The following EML6 variants were observed in gnomAD, a reference collection of about 807,000 sequenced individuals.
EML6 encodes the protein EMAP like 6.
A neutral mutation model predicts 240.1 loss-of-function variants in EML6; 154 were observed. The ratio of observed to expected loss-of-function variants is 0.64; its 90% CI spans 0.56 to 0.73. The LOEUF is 0.73. Among genes scored for constraint, EML6 ranks in the 30% least tolerant of loss-of-function variants. The pLI, the probability that EML6 is intolerant of heterozygous loss-of-function variation, is 0.00. For missense variants in EML6, 2,964 were observed against 2,474.6 expected, an observed-to-expected ratio of 1.20 and a Z score of -4.20; for synonymous variants, 1,148 against 899.0, an observed-to-expected ratio of 1.28 and a Z score of -4.95.
intron 28 of EML6, among the ~76,000 whole-genome samples, chr2:54,938,805 C>G (rs1334192123): frequency 3.9e-5 from 6 of 152,172 alleles, no homozygotes; most frequent in Non-Finnish European, 7.4e-5. Context: ...TCTGTTTTGC[C>G]AAGTCTGAGA....
intron 26 of EML6, among the ~76,000 whole-genome samples, chr2:54,922,130 C>T (rs1451659672): frequency 6.6e-6 from 1 of 152,082 alleles, no homozygotes; most frequent in Non-Finnish European, 1.5e-5. Context: ...AAAAGGCAGC[C>T]TATCAAATGG....
At chr2:54,964,443 C>CG (rs1220106483) in intron 37 of EML6, 128 bp from the exon 38 acceptor site, 1 of 846,662 alleles carries the variant, frequency 1.2e-6, no homozygotes, top group African/African-American at 1.7e-5. Context: ...AGAGGCTGAC[C>CG]ACATGTGAGT....
chr2:54,745,084 G>A (rs959259283), intron 2 of EML6, among the ~76,000 whole-genome samples: 4 of 152,120 alleles, frequency 2.6e-5, no homozygotes, highest in African/African-American at 7.2e-5. Context: ...AAGGGATGCT[G>A]GAGGCGAGTC....
In EML6 at chr2:54,724,131, G is replaced by C. The variant is rs1426481575; in HGVS notation, c.-514+354G>C. ...TAGCGCACTCCCTCCGACTGCACTA[G>C]TGCCTCGTTTCTTCCGAGTAAGACA... On this transcript the variant is annotated intron_variant, in intron 1 of 41. Transcript: ENST00000356458. The surrounding 1 kb of genome is among the most constrained non-coding windows in gnomAD (Gnocchi z 5.2). 6.6e-6 allele frequency among the ~76,000 whole-genome samples: 1 copy of C among 152,172 alleles called. No homozygotes were observed. The highest frequency in any genetic ancestry group is 2.1e-4 in the South Asian group (1 of 4,830).
chr2:54,876,003 C>T (rs930268816), intron 16 of EML6, among the ~76,000 whole-genome samples: 1 of 152,154 alleles, frequency 6.6e-6, no homozygotes, highest in Admixed American at 6.5e-5. Flanking sequence ...GAGAGACCAA[C>T]TCATAATTGT....
chr2:54,887,178 A>G (rs2104048566), intron 17 of EML6, among the ~76,000 whole-genome samples: 1 of 152,280 alleles, frequency 6.6e-6, no homozygotes, highest in Non-Finnish European at 1.5e-5. Flanking sequence ...TTCTGGGAGC[A>G]TTGACCTGAT....
In EML6 at chr2:54,759,905, T is replaced by C. The variant is rs1197200969; in HGVS notation, c.197+34647T>C. Among the ~76,000 whole-genome samples, 5 of 150,028 alleles carry C rather than the reference T, an allele frequency of 3.3e-5. 1 individual carries two copies. Among genetic ancestry groups the C allele is most frequent in the Admixed American group, 1.3e-4 (2 of 14,986 alleles). On this transcript the variant is annotated intron_variant, in intron 2 of 41. Transcript: ENST00000356458. The stretch of plus-strand genomic sequence containing the variant: ...ATATAAAATCTTTGTTTACATATAA[T>C]ATATATTTATATATATTTTAATGAT...
intron 10 of EML6, among the ~76,000 whole-genome samples, chr2:54,850,810 A>G (rs1176807517): frequency 6.6e-6 from 1 of 152,236 alleles, no homozygotes; most frequent in African/African-American, 2.4e-5. Flanking sequence ...GTTTATCAGC[A>G]TGAGGAGAGT....
intron 28 of EML6, among the ~76,000 whole-genome samples, chr2:54,945,665 C>A (rs1004288512): frequency 1.3e-5 from 2 of 152,208 alleles, no homozygotes; most frequent in African/African-American, 4.8e-5. Flanking sequence ...AATGCTCTTA[C>A]ACATTTCAGG....
chr2:54,870,726 C>G (rs1011233609), intron 15 of EML6, among the ~76,000 whole-genome samples: 2 of 151,970 alleles, frequency 1.3e-5, no homozygotes, highest in African/African-American at 4.8e-5. Flanking sequence ...GGAGTTACTG[C>G]ACTCAATACT....
chr2:54,899,822 A>G (rs1257020931), intron 22 of EML6, 40 bp downstream of exon 22: 1 of 1,520,146 alleles, frequency 6.6e-7, no homozygotes, highest in East Asian at 2.5e-5. Context: ...GAGTATTTAC[A>G]AGTAACAGAA....
rs1338924700 is a variant in EML6, at chr2:54,725,335, C to G, written c.197+77C>G. ...AGGTGGGAAGCGGTTGACCTGGGGT[C>G]GGATCCGGGAGCCCCGTGGAATAGA... On this transcript the variant is annotated intron_variant, in intron 2 of 41. Transcript: ENST00000356458. The surrounding 1 kb of genome is among the most constrained non-coding windows in gnomAD (Gnocchi z 4.3). 8.8e-7 allele frequency: 1 copy of G among 1,138,582 alleles called. No individual in the cohort carries two copies. The highest frequency in any genetic ancestry group is 1.2e-6 in the Non-Finnish European group (1 of 845,598). The allele number at this position is 1,138,582 out of a possible 1,614,324, so 70.5% of individuals were successfully genotyped here. A position where few individuals can be genotyped will look rare whatever the true frequency, so the allele number is the denominator to read the frequency against.
chr2:54,791,465 G>C (rs150373734), intron 2 of EML6, among the ~76,000 whole-genome samples: 2 of 152,130 alleles, frequency 1.3e-5, no homozygotes, highest in Non-Finnish European at 2.9e-5. Flanking sequence ...TTGTACCTGT[G>C]ATACAAGTTT....
chr2:54,825,766 G>T (rs1164565545), intron 5 of EML6, among the ~76,000 whole-genome samples: 4 of 152,108 alleles, frequency 2.6e-5, no homozygotes, highest in Non-Finnish European at 2.9e-5. Context: ...ACCCCCAGCT[G>T]CCTGAATCCT....
intron 4 of EML6, among the ~76,000 whole-genome samples, chr2:54,818,866 A>G (rs2104093257): frequency 6.6e-6 from 1 of 152,354 alleles, no homozygotes; most frequent in African/African-American, 2.4e-5. Context: ...TGATACCAGT[A>G]TGAATTATTG....
At chr2:54,934,717 A>C (rs1675046663) in intron 28 of EML6, among the ~76,000 whole-genome samples, 1 of 152,012 alleles carries the variant, frequency 6.6e-6, no homozygotes, top group Non-Finnish European at 1.5e-5. Flanking sequence ...CACCATACCC[A>C]GCTTATCTTT....
rs967524687 is a variant in EML6, at chr2:54,971,656, C to T, written c.*1561C>T. 6.6e-6 allele frequency: 1 copy of T among 152,102 alleles called. No homozygotes were observed. The highest frequency in any genetic ancestry group is 1.5e-5 in the Non-Finnish European group (1 of 68,030). The allele number at this position is 152,102 out of a possible 1,614,324, so 9.4% of individuals were successfully genotyped here. ...AGGTTGTTGGGCCCGCAGTAGAGTCCCTATGCAGTCCCAATTCTGTTTTCT... is the reference window on the plus strand; with the variant it reads ...AGGTTGTTGGGCCCGCAGTAGAGTCTCTATGCAGTCCCAATTCTGTTTTCT... On this transcript the variant is annotated 3_prime_UTR_variant, in exon 42 of 42. Transcript: ENST00000356458.
chr2:54,724,101 G>A lies in EML6; in HGVS notation c.-514+324G>A, dbSNP rs1032497375. The stretch of plus-strand genomic sequence containing the variant: ...GATTTCTCCTCGACCAGGAGCGTTT[G>A]TAGGTAGCGCACTCCCTCCGACTGC... On this transcript the variant is annotated intron_variant, in intron 1 of 41. Coordinates refer to ENST00000356458, the MANE Select transcript of EML6 (RefSeq NM_001039753.4). The surrounding 1 kb of genome is among the most constrained non-coding windows in gnomAD (Gnocchi z 5.2). Among the ~76,000 whole-genome samples the A allele has an allele frequency of 6.6e-6, 1 of 152,200 alleles. No homozygotes were observed. The highest frequency in any genetic ancestry group is 1.5e-5 in the Non-Finnish European group (1 of 68,040).
chr2:54,921,048 A>G (rs766484920), intron 26 of EML6, among the ~76,000 whole-genome samples: 1 of 152,104 alleles, frequency 6.6e-6, no homozygotes, highest in African/African-American at 2.4e-5. Context: ...AACATGCTCA[A>G]TGATGAAAAG....
Sources: allele counts gnomAD v4.1 joint callset (sites outside exome capture counted in the v4.1 genomes callset), GRCh38; gene constraint gnomAD v4.1.1; non-coding constraint Gnocchi (gnomAD v3.1); transcripts MANE v1.5; gene names NCBI Gene and HGNC (gene_info 2026-07-23, HGNC 2026-07-21).